MTA3: variants seen among roughly 807,000 people sequenced by gnomAD.
MTA3 encodes the protein metastasis associated 1 family member 3.
Under a neutral mutation model 83.5 loss-of-function variants are expected in MTA3, and 34 were observed. The observed-to-expected ratio is 0.41, with a 90% CI of 0.31 to 0.54. The LOEUF is 0.54. Among genes scored for constraint, MTA3 ranks in the 20% least tolerant of loss-of-function variants. The pLI, the probability that MTA3 is intolerant of heterozygous loss-of-function variation, is 0.33. For missense variants in MTA3, 761 were observed against 726.4 expected (o/e 1.05, Z -0.55); for synonymous variants, 303 against 252.7 (o/e 1.20, Z -1.89).
chr2:42,580,754 C>T (rs1362401453), intron 3 of MTA3, among the ~76,000 whole-genome samples: 3 of 152,102 alleles, frequency 2.0e-5, no homozygotes, highest in African/African-American at 7.2e-5. Flanking sequence ...CACCACCATG[C>T]CCAGCTAATT....
rs183804372 is a variant in MTA3, at chr2:42,574,378, G to A, written c.96+3874G>A. On this transcript the variant is annotated intron_variant, in intron 2 of 16. Coordinates refer to ENST00000405094, the MANE Select transcript of MTA3 (RefSeq NM_001330442.2). ...CCGACCTCAGGTGATCTACCACCTC[G>A]GCCTCCCAAAGTGCTGGGATTACAG... Among the ~76,000 whole-genome samples, 401 of 151,506 alleles carry A rather than the reference G, an allele frequency of 2.6e-3. 2 individuals are homozygous for A. Among genetic ancestry groups the A allele is most frequent in the African/African-American group, 8.4e-3 (345 of 41,256 alleles).
intron 8 of MTA3, among the ~76,000 whole-genome samples, chr2:42,674,812 T>C (rs1388737209): frequency 2.0e-5 from 3 of 151,864 alleles, no homozygotes; most frequent in African/African-American, 7.3e-5. Flanking sequence ...TTGGCCAGGA[T>C]GGTCTTGATC....
At chr2:42,526,253 C>G (rs1431012240) in intron 2 of MTA3, among the ~76,000 whole-genome samples, 1 of 152,030 alleles carries the variant, frequency 6.6e-6, no homozygotes, top group Non-Finnish European at 1.5e-5. Flanking sequence ...GTTTTTGAGA[C>G]AGGGTCTCAC....
chr2:42,658,968 C>T (rs925557509), intron 7 of MTA3, among the ~76,000 whole-genome samples: 2 of 148,812 alleles, frequency 1.3e-5, no homozygotes, highest in Admixed American at 1.3e-4. Context: ...CGTGGTGGTG[C>T]ATGCCTATAG....
At chr2:42,616,546 A>T (rs1261834254) in intron 4 of MTA3, among the ~76,000 whole-genome samples, 1 of 145,792 alleles carries the variant, frequency 6.9e-6, no homozygotes, top group Non-Finnish European at 1.5e-5. Flanking sequence ...CATTCACAGA[A>T]ATTTGATTAA....
chr2:42,639,993 A>G (rs1687562065), intron 4 of MTA3, among the ~76,000 whole-genome samples, 180 bp from the exon 5 acceptor site: 1 of 152,146 alleles, frequency 6.6e-6, no homozygotes, highest in Non-Finnish European at 1.5e-5. Context: ...AGACAGCCTT[A>G]TTTTATAAGT....
chr2:42,753,941 C>A lies in MTA3; in HGVS notation c.*542C>A. ...CGTCACTCAGCTTTTTCTCGATAGGCTTCATCCTTGTTTTTTTGAAATGGG... is the reference window on the plus strand; with the variant it reads ...CGTCACTCAGCTTTTTCTCGATAGGATTCATCCTTGTTTTTTTGAAATGGG... On this transcript the variant is annotated 3_prime_UTR_variant, in exon 17 of 17. Coordinates refer to ENST00000405094, the MANE Select transcript of MTA3 (RefSeq NM_001330442.2). 1.0e-6 allele frequency: 1 copy of A among 986,090 alleles called. No individual in the cohort carries two copies. The allele number at this position is 986,090 out of a possible 1,614,324, so 61.1% of individuals were successfully genotyped here.
intron 2 of MTA3, among the ~76,000 whole-genome samples, chr2:42,530,683 G>A (rs954294935): frequency 6.6e-6 from 1 of 151,790 alleles, no homozygotes; most frequent in African/African-American, 2.4e-5. Flanking sequence ...TACTCGGGAG[G>A]CTGAGGCAGG....
At chr2:42,627,264 C>T (rs1686196816) in intron 4 of MTA3, among the ~76,000 whole-genome samples, 1 of 151,854 alleles carries the variant, frequency 6.6e-6, no homozygotes, top group Non-Finnish European at 1.5e-5. Flanking sequence ...TTTTTTGTAG[C>T]GACTGGTCTC....
chr2:42,582,958 T>G (rs1679838913), intron 3 of MTA3, among the ~76,000 whole-genome samples: 1 of 152,192 alleles, frequency 6.6e-6, no homozygotes, highest in Non-Finnish European at 1.5e-5. Flanking sequence ...GTTGGCTGTT[T>G]TACTGCTTGA....
intron 2 of MTA3, among the ~76,000 whole-genome samples, chr2:42,519,717 A>T (rs969625810): frequency 2.0e-5 from 3 of 152,138 alleles, no homozygotes; most frequent in African/African-American, 7.2e-5. Flanking sequence ...CCTGGGCAAC[A>T]TAACGATACC....
At chr2:42,517,544 G>GTGAGACTCTGT (rs1675201629) in intron 2 of MTA3, among the ~76,000 whole-genome samples, 1 of 146,058 alleles carries the variant, frequency 6.8e-6, no homozygotes, top group Non-Finnish European at 1.5e-5. Flanking sequence ...TTGCACTCCA[G>GTGAGACTCTGT]CCTTGGGGAC....
intron 4 of MTA3, among the ~76,000 whole-genome samples, chr2:42,630,362 TCAAAATATA>T (rs1443452542): frequency 6.6e-6 from 1 of 152,142 alleles, no homozygotes; most frequent in African/African-American, 2.4e-5. Flanking sequence ...GATTCAGAAA[TCAAAATATA>T]CAAACATGAA....
intron 16 of MTA3, among the ~76,000 whole-genome samples, chr2:42,732,854 T>C (rs899760957): frequency 6.6e-6 from 1 of 152,232 alleles, no homozygotes; most frequent in Non-Finnish European, 1.5e-5. Context: ...GCCACTAGTC[T>C]CTTTGCTGAA....
intron 4 of MTA3, among the ~76,000 whole-genome samples, chr2:42,632,975 A>G (rs1281257578): frequency 6.6e-6 from 1 of 151,956 alleles, no homozygotes; most frequent in African/African-American, 2.4e-5. Flanking sequence ...TTAAAAAAAA[A>G]AAAATACAGT....
At chr2:42,663,679 C>A (rs576382514) in intron 8 of MTA3, among the ~76,000 whole-genome samples, 2 of 152,256 alleles carry the variant, frequency 1.3e-5, no homozygotes, top group South Asian at 4.2e-4. Context: ...GTGGAGGGAT[C>A]CCTTGAGCCA....
intron 4 of MTA3, among the ~76,000 whole-genome samples, chr2:42,629,367 C>T (rs1686449355): frequency 6.6e-6 from 1 of 152,150 alleles, no homozygotes; most frequent in African/African-American, 2.4e-5. Context: ...GCGTGATCCA[C>T]CGTGCCCAGC....
intron 4 of MTA3, among the ~76,000 whole-genome samples, chr2:42,618,033 C>T (rs1452300004): frequency 3.3e-5 from 5 of 152,020 alleles, no homozygotes; most frequent in Non-Finnish European, 5.9e-5. Context: ...TAGCCTCAAA[C>T]TTCTGGGCTC....
chr2:42,495,125 G>A (rs1031159320), intron 1 of MTA3: 1 of 152,692 alleles, frequency 6.5e-6, no homozygotes, highest in Admixed American at 6.5e-5. Context: ...TTAAAGGGAA[G>A]AGTTTTTCAT....
Sources: gnomAD v4.1 joint callset for allele counts (sites outside exome capture counted in the v4.1 genomes callset) on GRCh38, gnomAD v4.1.1 for gene constraint, MANE v1.5 for transcripts, NCBI Gene and HGNC (gene_info 2026-07-23, HGNC 2026-07-21) for gene names.